Variants in UNC13B observed in about 807,000 individuals in gnomAD.
UNC13B encodes the protein unc-13 homolog B.
Under a neutral mutation model 211.0 loss-of-function variants are expected in UNC13B, and 144 were observed. The ratio of observed to expected loss-of-function variants is 0.68; its 90% CI spans 0.60 to 0.78. UNC13B has a LOEUF of 0.78. Among genes scored for constraint, UNC13B ranks in the 30% least tolerant of loss-of-function variants. The pLI, the probability that UNC13B is intolerant of heterozygous loss-of-function variation, is 0.00. For missense variants in UNC13B, 1,777 were observed against 2,002.0 expected (o/e 0.89, Z 2.14); for synonymous variants, 709 against 725.8 (o/e 0.98, Z 0.37).
At chr9:35,188,985 C>T (rs1822508118) in intron 1 of UNC13B, among the ~76,000 whole-genome samples, 1 of 152,156 alleles carries the variant, frequency 6.6e-6, no homozygotes, top group Admixed American at 6.5e-5. Flanking sequence ...TATTTCAATA[C>T]TCAATTTATG....
chr9:35,349,034 C>T (rs1176855178), intron 11 of UNC13B, among the ~76,000 whole-genome samples: 1 of 152,108 alleles, frequency 6.6e-6, no homozygotes, highest in Non-Finnish European at 1.5e-5. Context: ...TCTCTTGCCT[C>T]AGCCTCCCGA....
At chr9:35,246,834 G>A (rs1220573805) in intron 6 of UNC13B, among the ~76,000 whole-genome samples, 1 of 152,024 alleles carries the variant, frequency 6.6e-6, no homozygotes, top group African/African-American at 2.4e-5. Context: ...GGCAATGTGG[G>A]CTCTTTTTTG....
intron 24 of UNC13B, among the ~76,000 whole-genome samples, chr9:35,388,782 C>G (rs1384959916): frequency 6.6e-6 from 1 of 152,170 alleles, no homozygotes; most frequent in African/African-American, 2.4e-5. Flanking sequence ...GGAATTTAAA[C>G]TGTATTGAAC....
intron 2 of UNC13B, among the ~76,000 whole-genome samples, chr9:35,230,221 C>T (rs1825118394): frequency 6.6e-6 from 1 of 152,190 alleles, no homozygotes; most frequent in African/African-American, 2.4e-5. Context: ...CTTGTAATCC[C>T]AGCACTTTTG....
rs557123961 is a variant in UNC13B, at chr9:35,228,068, C to A, written c.52+24C>A. 8.1e-6 allele frequency: 13 copies of A among 1,599,322 alleles called. 1 individual carries two copies. The East Asian group carries it at 9.0e-5, about 11-fold the overall frequency. ...AGGTAAGGCCAGCTTTCTATTATGT[C>A]TTTTCCTCTTGTATTTGCTGTTATT... is the stretch of plus-strand genomic sequence containing the variant. On this transcript the variant is annotated intron_variant, in intron 2 of 39. Transcript: ENST00000635942.
At chr9:35,378,903 C>G (rs1391051771) in intron 17 of UNC13B, among the ~76,000 whole-genome samples, 1 of 152,200 alleles carries the variant, frequency 6.6e-6, no homozygotes, top group African/African-American at 2.4e-5. Context: ...GAAGAAGATG[C>G]TGTTTCCCAT....
chr9:35,201,456 A>G (rs1013200242), intron 1 of UNC13B, among the ~76,000 whole-genome samples: 2 of 152,134 alleles, frequency 1.3e-5, no homozygotes, highest in African/African-American at 2.4e-5. Context: ...CTGTGAATCC[A>G]TCTGGTCCTG....
In UNC13B at chr9:35,236,404, A is replaced by G. The variant is rs937922032; in HGVS notation, c.153-65A>G. 3.9e-6 allele frequency: 5 copies of G among 1,292,544 alleles called. No individual in the cohort carries two copies. The Admixed American group carries it at 9.6e-5, about 25-fold the overall frequency. The allele number at this position is 1,292,544 out of a possible 1,614,324, so 80.1% of individuals were successfully genotyped here. A position where few individuals can be genotyped will look rare whatever the true frequency, so the allele number is the denominator to read the frequency against. On this transcript the variant is annotated intron_variant, in intron 3 of 39. Transcript: ENST00000635942. ...GAAAGCATTCAAAGTTTAGCAAAAC[A>G]GGAGATGTAGTTGTTTCTTTCATAT... is the stretch of plus-strand genomic sequence containing the variant.
chr9:35,331,601 G>A (rs1831372774), intron 11 of UNC13B, among the ~76,000 whole-genome samples: 1 of 152,068 alleles, frequency 6.6e-6, no homozygotes. Flanking sequence ...GGTACTGTTG[G>A]GACTATTTGT....
At chr9:35,319,472 T>C (rs1830631583) in intron 11 of UNC13B, among the ~76,000 whole-genome samples, 1 of 138,412 alleles carries the variant, frequency 7.2e-6, no homozygotes, top group African/African-American at 2.8e-5. Context: ...GTTTGTTACA[T>C]AGGTATTTTG....
intron 11 of UNC13B, among the ~76,000 whole-genome samples, chr9:35,337,180 T>A (rs75026160): frequency 0.023 from 3,544 of 152,176 alleles, 130 homozygotes; most frequent in African/African-American, 0.081. Context: ...CCTAGCAAAT[T>A]GTGCATCACG....
intron 24 of UNC13B, among the ~76,000 whole-genome samples, chr9:35,388,716 C>T (rs1184568394): frequency 6.6e-6 from 1 of 152,074 alleles, no homozygotes; most frequent in East Asian, 1.9e-4. Context: ...ATAGCTGGAA[C>T]AAAAAGAGTT....
chr9:35,230,470 C>CA (rs765330072), intron 2 of UNC13B, among the ~76,000 whole-genome samples: 5,004 of 49,122 alleles, frequency 0.1, 316 homozygotes, highest in East Asian at 0.45. Context: ...GACTCTGTCT[C>CA]AAAAAAAAAA....
chr9:35,365,681 T>TTTC lies in UNC13B; in HGVS notation c.9415-1261_9415-1259dup, dbSNP rs1833728045. Among the ~76,000 whole-genome samples the TTTC allele has an allele frequency of 3.3e-5, 5 of 152,284 alleles. No individual in the cohort carries two copies. In the South Asian group the frequency reaches 1.0e-3, roughly 32 times the overall value. On this transcript the variant is annotated intron_variant, in intron 11 of 39. Coordinates refer to ENST00000635942, the MANE Select transcript of UNC13B (RefSeq NM_001371189.2). ...TGTTGTTTCTTCCCACCTACTGTTGTTTCTTCTATACTATCCCCATTGTCT... is the reference window on the plus strand; with the variant it reads ...TGTTGTTTCTTCCCACCTACTGTTGTTTCTTCTTCTATACTATCCCCATTGTCT...
At position 35,303,131 on chromosome 9, in the gene UNC13B, C is replaced by G. The variant is rs1227196740; in HGVS notation, c.3727C>G (p.His1243Asp). ...SENPKNHVEK[H>D]ETSSFIEASL... Reference sequence around the variant, plus strand: ...GAACCCGAAGAACCATGTTGAAAAACATGAAACTTCTAGCTTCATAGAAGC... The same window carrying G: ...GAACCCGAAGAACCATGTTGAAAAAGATGAAACTTCTAGCTTCATAGAAGC... Residue 1243 changes from histidine (H) to aspartate (D), a missense_variant, in exon 9 of 40, where the codon CAT (histidine) becomes GAT (aspartate). By Grantham distance (81) the His-to-Asp change is moderately conservative (BLOSUM62 -1). Coordinates refer to ENST00000635942, the MANE Select transcript of UNC13B (RefSeq NM_001371189.2). 3 of 398,548 alleles carry G rather than the reference C, an allele frequency of 7.5e-6. No individual in the cohort carries two copies. Among genetic ancestry groups the G allele is most frequent in the African/African-American group, 6.2e-5 (3 of 48,608 alleles). The allele number at this position is 398,548 out of a possible 1,614,324, so 24.7% of individuals were successfully genotyped here.
intron 1 of UNC13B, among the ~76,000 whole-genome samples, chr9:35,201,754 C>A (rs1244017119): frequency 1.3e-5 from 2 of 152,130 alleles, no homozygotes; most frequent in Non-Finnish European, 2.9e-5. Flanking sequence ...TGCTAGCGGT[C>A]TATCAATTTT....
Position 35,301,989 on chromosome 9 carries a change from A to G in UNC13B, c.2585A>G (p.Asn862Ser), listed in dbSNP as rs900082969. Residue 862 changes from asparagine (N) to serine (S), a missense_variant, in exon 9 of 40, where the codon AAT becomes AGT. By Grantham distance (46) the Asn-to-Ser change is conservative (BLOSUM62 1). Transcript: ENST00000635942. Reference protein sequence around the residue: ...GHSFSFSGKLNLPFFRSLGHS... With the variant: ...GHSFSFSGKLSLPFFRSLGHS... Reference sequence around the variant, plus strand: ...TCCTTTTCCTTTAGTGGAAAACTAAATCTTCCATTTTTTAGAAGTCTTGGT... The same window carrying G: ...TCCTTTTCCTTTAGTGGAAAACTAAGTCTTCCATTTTTTAGAAGTCTTGGT... The G allele has an allele frequency of 5.0e-6, 2 of 398,686 alleles. No homozygotes were observed. Among genetic ancestry groups the G allele is most frequent in the Non-Finnish European group, 8.9e-6 (2 of 225,866 alleles). The allele number at this position is 398,686 out of a possible 1,614,324, so 24.7% of individuals were successfully genotyped here. A position where few individuals can be genotyped will look rare whatever the true frequency, so the allele number is the denominator to read the frequency against.
intron 1 of UNC13B, among the ~76,000 whole-genome samples, chr9:35,169,723 A>G (rs543981710): frequency 1.3e-4 from 20 of 152,302 alleles, no homozygotes; most frequent in Admixed American, 1.2e-3. Flanking sequence ...GGAAAGGACC[A>G]ATTTGCTCTG....
In UNC13B at chr9:35,396,703, G is replaced by A. The variant is rs183997509; in HGVS notation, c.11435+101G>A. On this transcript the variant is annotated intron_variant, in intron 27 of 39. Transcript: ENST00000635942. ...AGCAAGCCAGTCTCGGGGACTGCCT[G>A]TTCAGGTACCACCGTAGACAAAGAA... The A allele has an allele frequency of 9.1e-4, 1,446 of 1,596,788 alleles. 21 individuals carry two copies. The Admixed American group carries it at 0.021, about 23-fold the overall frequency.
Sources: gnomAD v4.1 joint callset for allele counts (sites outside exome capture counted in the v4.1 genomes callset) on GRCh38, gnomAD v4.1.1 for gene constraint, MANE v1.5 for transcripts, NCBI Gene and HGNC (gene_info 2026-07-23, HGNC 2026-07-21) for gene names.